The following CNTLN variants were observed in gnomAD, a reference collection of about 807,000 sequenced individuals.
CNTLN encodes centlein, centrosomal protein.
A neutral mutation model predicts 180.0 loss-of-function variants in CNTLN; 212 were observed. The ratio of observed to expected loss-of-function variants is 1.18; its 90% CI spans 1.05 to 1.32. The LOEUF is 1.32. CNTLN is among the 40% of genes most tolerant of loss of function. CNTLN has a pLI of 0.00. For synonymous variants in CNTLN, 722 were observed against 563.1 expected (o/e 1.28, Z -3.99); for missense variants, 2,095 against 1,610.9 (o/e 1.30, Z -5.14).
intron 12 of CNTLN, among the ~76,000 whole-genome samples, chr9:17,352,930 G>A (rs1195670766): frequency 2.6e-5 from 4 of 152,148 alleles, no homozygotes; most frequent in African/African-American, 9.6e-5. Flanking sequence ...CTTTGTTTAT[G>A]TATACCACAA....
intron 7 of CNTLN, chr9:17,301,979 T>C: frequency 1.0e-6 from 1 of 969,076 alleles, no homozygotes; most frequent in Non-Finnish European, 1.2e-6. Flanking sequence ...TTTTCTACTG[T>C]TGGTTATATA....
intron 6 of CNTLN, among the ~76,000 whole-genome samples, chr9:17,292,919 T>A (rs1829509581): frequency 6.6e-6 from 1 of 152,194 alleles, no homozygotes; most frequent in Non-Finnish European, 1.5e-5. Flanking sequence ...CTCATCTTTG[T>A]GAGTTTACCT....
chr9:17,295,328 C>A (rs951912861), intron 6 of CNTLN, among the ~76,000 whole-genome samples: 2 of 152,192 alleles, frequency 1.3e-5, no homozygotes, highest in Non-Finnish European at 2.9e-5. Flanking sequence ...GAGTGGGCGC[C>A]GAGGCCAAGG....
chr9:17,393,828 T>C (rs1255578494), intron 14 of CNTLN, among the ~76,000 whole-genome samples: 3 of 152,194 alleles, frequency 2.0e-5, no homozygotes, highest in Non-Finnish European at 4.4e-5. Context: ...TATCCTTTAT[T>C]AGGTTTATGT....
At chr9:17,470,268 G>A (rs1001410418) in intron 23 of CNTLN, among the ~76,000 whole-genome samples, 3 of 151,884 alleles carry the variant, frequency 2.0e-5, no homozygotes, top group Non-Finnish European at 4.4e-5. Context: ...GGAAAACTCT[G>A]TGAACAGTGA....
chr9:17,464,595 G>C lies in CNTLN; in HGVS notation c.3503G>C (p.Ser1168Thr), dbSNP rs1831638508. 1 of 1,488,036 alleles carries C rather than the reference G, an allele frequency of 6.7e-7. No individual in the cohort carries two copies. 92.2% of individuals were successfully genotyped at this position (1,488,036 alleles called of 1,614,324 possible). The change falls in exon 21 of 26, where the codon AGT becomes ACT. Residue 1168 changes from serine to threonine, a missense_variant. Transcript: ENST00000380647. The part of the protein sequence containing the change: ...KVNLESNKSF[S>T]EMLQNLDKKV... The stretch of plus-strand genomic sequence containing the variant: ...AATTTGGAAAGTAACAAGAGTTTTA[G>C]TGAAATGTTACAAAATCTTGATAAA...
chr9:17,136,486 C>G (rs1453052817), intron 1 of CNTLN, among the ~76,000 whole-genome samples: 2 of 152,150 alleles, frequency 1.3e-5, no homozygotes, highest in Non-Finnish European at 2.9e-5. Flanking sequence ...TCCGCCACCA[C>G]GCCTGGCTAA....
At chr9:17,169,708 A>G (rs941553090) in intron 2 of CNTLN, among the ~76,000 whole-genome samples, 1 of 151,592 alleles carries the variant, frequency 6.6e-6, no homozygotes, top group Non-Finnish European at 1.5e-5. Flanking sequence ...CTAGTTGACC[A>G]TTTGTGTATG....
At chr9:17,471,290 A>C (rs184198675) in intron 23 of CNTLN, among the ~76,000 whole-genome samples, 20 of 152,144 alleles carry the variant, frequency 1.3e-4, no homozygotes, top group African/African-American at 4.3e-4. Context: ...TGATTCGATG[A>C]AACTAAAAAT....
intron 23 of CNTLN, among the ~76,000 whole-genome samples, chr9:17,476,990 G>A (rs1832386134): frequency 1.3e-5 from 2 of 152,128 alleles, no homozygotes; most frequent in Non-Finnish European, 2.9e-5. Context: ...CTCTTGTTAG[G>A]GGCTAATGCA....
chr9:17,180,808 C>A (rs1346054873), intron 2 of CNTLN, among the ~76,000 whole-genome samples: 1 of 151,968 alleles, frequency 6.6e-6, no homozygotes, highest in African/African-American at 2.4e-5. Flanking sequence ...ATTATTTTCA[C>A]TGGTTATATT....
intron 15 of CNTLN, among the ~76,000 whole-genome samples, chr9:17,403,391 G>A (rs538078426): frequency 1.7e-4 from 25 of 151,428 alleles, no homozygotes; most frequent in Non-Finnish European, 3.2e-4. Context: ...CTTGTCTGGC[G>A]ACTGGGCTAC....
At chr9:17,214,855 A>T (rs1391090866) in intron 2 of CNTLN, among the ~76,000 whole-genome samples, 1 of 152,168 alleles carries the variant, frequency 6.6e-6, no homozygotes, top group Admixed American at 6.5e-5. Context: ...TGGCTACTGA[A>T]ACTTGTGCAT....
At chr9:17,175,429 A>T (rs529806770) in intron 2 of CNTLN, among the ~76,000 whole-genome samples, 1 of 152,050 alleles carries the variant, frequency 6.6e-6, no homozygotes, top group African/African-American at 2.4e-5. Flanking sequence ...ACTATTTTGC[A>T]TCTTTGTCTA....
chr9:17,284,062 C>T (rs536523739), intron 6 of CNTLN, among the ~76,000 whole-genome samples: 2 of 152,086 alleles, frequency 1.3e-5, no homozygotes, highest in African/African-American at 2.4e-5. Context: ...GCTCATGTTT[C>T]CCAGGCTGGA....
chr9:17,377,631 C>T (rs13285126), intron 13 of CNTLN, among the ~76,000 whole-genome samples: 1 of 152,034 alleles, frequency 6.6e-6, no homozygotes, highest in African/African-American at 2.4e-5. Flanking sequence ...TTTGTAAGAA[C>T]CTAGATGTTT....
At chr9:17,525,390 A>G in the CNTLN span, among the ~76,000 whole-genome samples, 1 of 152,176 alleles carries the variant, frequency 6.6e-6, no homozygotes, top group South Asian at 2.1e-4. Flanking sequence ...ACTTGTTTTT[A>G]TAGCTATGAG....
chr9:17,362,187 C>A (rs1823452289), intron 12 of CNTLN, among the ~76,000 whole-genome samples: 3 of 152,308 alleles, frequency 2.0e-5, no homozygotes, highest in South Asian at 2.1e-4. Flanking sequence ...GCAGCCCTAC[C>A]TTCTGTTGGG....
rs373146421 is a variant in CNTLN at position 17,257,346 on chromosome 9, T to C, written c.850-16387T>C. On this transcript the variant is annotated intron_variant, in intron 5 of 25. Coordinates refer to ENST00000380647, the MANE Select transcript of CNTLN (RefSeq NM_017738.4). ...GCTGCATAGTATTCCATGGTGTATATGTGCCACATTTTCTTAATCCAGTCT... is the reference window on the plus strand; with the variant it reads ...GCTGCATAGTATTCCATGGTGTATACGTGCCACATTTTCTTAATCCAGTCT... 4.2e-4 allele frequency among the ~76,000 whole-genome samples: 64 copies of C among 152,292 alleles called. 1 individual carries two copies. The East Asian group carries it at 0.011, about 27-fold the overall frequency.
Sources: gnomAD v4.1 joint callset for allele counts (sites outside exome capture counted in the v4.1 genomes callset) on GRCh38, gnomAD v4.1.1 for gene constraint, MANE v1.5 for transcripts, NCBI Gene and HGNC (gene_info 2026-07-23, HGNC 2026-07-21) for gene names.